The following SLX4IP variants were observed in gnomAD, a reference collection of about 807,000 sequenced individuals.
The protein encoded by SLX4IP is SLX4 interacting protein.
In SLX4IP, 34 loss-of-function variants were observed where a neutral mutation model predicts 32.9. That is an observed-to-expected ratio of 1.03 (90% confidence interval 0.79 to 1.38). The LOEUF is 1.38. SLX4IP is among the 40% of genes most tolerant of loss of function. SLX4IP has a pLI of 0.00. For synonymous variants in SLX4IP, 172 were observed against 171.7 expected (o/e 1.00, Z -0.01); for missense variants, 444 against 479.0 (o/e 0.93, Z 0.68).
intron 2 of SLX4IP, among the ~76,000 whole-genome samples, chr20:10,498,105 A>G (rs922999209): frequency 3.3e-5 from 5 of 150,506 alleles, no homozygotes; most frequent in African/African-American, 9.8e-5. Context: ...TTAGTGGTAC[A>G]TAGCAATATT....
At chr20:10,588,659 G>A (rs1034642297) in intron 4 of SLX4IP, among the ~76,000 whole-genome samples, 15 of 152,188 alleles carry the variant, frequency 9.9e-5, no homozygotes, top group African/African-American at 3.6e-4. Flanking sequence ...GCCAGACATA[G>A]ACAAATACTG....
Position 10,540,077 on chromosome 20 carries a change from C to A in SLX4IP, c.28-16154C>A, listed in dbSNP as rs6040016. On this transcript the variant is annotated intron_variant, in intron 2 of 7. Transcript: ENST00000334534. ...TCTTTTTGTTTTCTTTCTTTTCTTT[C>A]TTTTCTCTCCTTCCTTCCTTTCCTT... 9.4e-4 allele frequency among the ~76,000 whole-genome samples: 135 copies of A among 143,490 alleles called. 1 individual carries two copies. Among genetic ancestry groups the A allele is most frequent in the African/African-American group, 3.3e-3 (131 of 39,726 alleles). The allele number at this position is 143,490 out of a possible 152,430, so 94.1% of individuals were successfully genotyped here. A position where few individuals can be genotyped will look rare whatever the true frequency, so the allele number is the denominator to read the frequency against.
chr20:10,515,038 A>G (rs2065837442), intron 2 of SLX4IP, among the ~76,000 whole-genome samples: 1 of 139,514 alleles, frequency 7.2e-6, no homozygotes, highest in African/African-American at 2.6e-5. Context: ...TTGAAGGTCG[A>G]TGCGTCTTTT....
intron 2 of SLX4IP, among the ~76,000 whole-genome samples, chr20:10,498,234 G>T (rs1277335788): frequency 1.3e-5 from 2 of 151,570 alleles, no homozygotes; most frequent in Non-Finnish European, 2.9e-5. Flanking sequence ...GGGCAGCTCT[G>T]TTCAGTTCCT....
chr20:10,588,117 A>G lies in SLX4IP; in HGVS notation c.239-10558A>G, dbSNP rs376898004. 3.9e-5 allele frequency among the ~76,000 whole-genome samples: 6 copies of G among 152,112 alleles called. No individual in the cohort carries two copies. In the East Asian group the frequency reaches 5.8e-4, roughly 15 times the overall value. On this transcript the variant is annotated intron_variant, in intron 4 of 7. Transcript: ENST00000334534. The stretch of plus-strand genomic sequence containing the variant: ...AATATCCAAAATATATAAGGAACTC[A>G]TACAACTCAATAGCAAAGAAAAAAA...
intron 2 of SLX4IP, among the ~76,000 whole-genome samples, chr20:10,490,354 G>C (rs2065612381): frequency 6.6e-6 from 1 of 152,094 alleles, no homozygotes; most frequent in Admixed American, 6.6e-5. Context: ...TGTCTCCTCA[G>C]TGGCTTAGAG....
Position 10,565,301 on chromosome 20 carries a change from G to C in SLX4IP, c.238+4481G>C, listed in dbSNP as rs140316319. ...CTGGCTCTTAAGCAGAGAAGAAGTT[G>C]ATTAAAGATATTAGATAGCTCATAG... On this transcript the variant is annotated intron_variant, in intron 4 of 7. Transcript: ENST00000334534. Among the ~76,000 whole-genome samples, 305 of 152,286 alleles carry C rather than the reference G, an allele frequency of 2.0e-3. 1 individual carries two copies. The highest frequency in any genetic ancestry group is 0.014 in the Middle Eastern group (4 of 294).
chr20:10,446,805 T>C (rs948025927), intron 1 of SLX4IP, among the ~76,000 whole-genome samples: 10 of 152,378 alleles, frequency 6.6e-5, no homozygotes, highest in East Asian at 3.9e-4. Flanking sequence ...CATTTTCTGA[T>C]TGGACTGTTG....
intron 2 of SLX4IP, among the ~76,000 whole-genome samples, chr20:10,462,462 C>CAGA (rs1214980667): frequency 1.3e-5 from 2 of 152,194 alleles, no homozygotes; most frequent in Non-Finnish European, 2.9e-5. Context: ...AATCAAGAAT[C>CAGA]AGAACACCCT....
intron 4 of SLX4IP, among the ~76,000 whole-genome samples, chr20:10,581,722 C>T (rs2066588146): frequency 6.6e-6 from 1 of 152,056 alleles, no homozygotes; most frequent in South Asian, 2.1e-4. Flanking sequence ...TCAAGACCAG[C>T]CTGGGCAACA....
chr20:10,450,465 A>AC (rs2065232357), intron 1 of SLX4IP, among the ~76,000 whole-genome samples: 1 of 152,220 alleles, frequency 6.6e-6, no homozygotes, highest in African/African-American at 2.4e-5. Context: ...TTTCCCAGGA[A>AC]CTTACTTTTT....
At chr20:10,619,999 G>A (rs774021567) in intron 6 of SLX4IP, among the ~76,000 whole-genome samples, 60 of 152,208 alleles carry the variant, frequency 3.9e-4, no homozygotes, top group Non-Finnish European at 5.9e-4. Context: ...CACAATTGAA[G>A]AGTGTGAAGA....
chr20:10,457,350 G>A (rs1027622273), intron 1 of SLX4IP, among the ~76,000 whole-genome samples: 1 of 150,982 alleles, frequency 6.6e-6, no homozygotes, highest in Non-Finnish European at 1.5e-5. Context: ...TTAGCACTTG[G>A]TTTTTCCTAA....
Position 10,458,131 on chromosome 20 carries a change from AAG to A in SLX4IP, c.-29-43_-29-42del, listed in dbSNP as rs1160818159. On this transcript the variant is annotated intron_variant, in intron 1 of 7. Coordinates refer to ENST00000334534, the MANE Select transcript of SLX4IP (RefSeq NM_001009608.3). ...TTTTCCTGTATAATATCCAAATAAA[AAG>A]AAATTTTAATATACCTAATTGTAAC... 10 of 1,295,250 alleles carry A rather than the reference AAG, an allele frequency of 7.7e-6. No individual in the cohort carries two copies. The African/African-American group carries it at 1.5e-4, about 20-fold the overall frequency. The allele number at this position is 1,295,250 out of a possible 1,614,324, so 80.2% of individuals were successfully genotyped here.
chr20:10,604,613 C>T (rs759416598), intron 6 of SLX4IP, among the ~76,000 whole-genome samples: 7 of 152,228 alleles, frequency 4.6e-5, no homozygotes, highest in African/African-American at 7.2e-5. Context: ...CGGAGCAGAG[C>T]GAATGCAGCC....
chr20:10,514,202 C>A (rs1225149128), intron 2 of SLX4IP, among the ~76,000 whole-genome samples: 1 of 152,106 alleles, frequency 6.6e-6, no homozygotes, highest in Admixed American at 6.6e-5. Context: ...AGTGGGAAAC[C>A]GGTGAATATG....
intron 1 of SLX4IP, among the ~76,000 whole-genome samples, chr20:10,457,782 T>C (rs1347455246): frequency 6.6e-6 from 1 of 152,120 alleles, no homozygotes; most frequent in African/African-American, 2.4e-5. Context: ...GTTTAAATTA[T>C]TCTGTACACA....
At chr20:10,597,866 C>T (rs906121646) in intron 4 of SLX4IP, among the ~76,000 whole-genome samples, 1 of 152,178 alleles carries the variant, frequency 6.6e-6, no homozygotes, top group Non-Finnish European at 1.5e-5. Flanking sequence ...TGCTCTGTCT[C>T]TTTCACTTAG....
intron 1 of SLX4IP, among the ~76,000 whole-genome samples, chr20:10,452,734 T>C (rs2150683): frequency 0.49 from 71,847 of 147,148 alleles, 19,080 homozygotes; most frequent in Non-Finnish European, 0.6. Context: ...ACCTATAATC[T>C]GAGCTACTTA....
Sources: gnomAD v4.1 joint callset for allele counts (sites outside exome capture counted in the v4.1 genomes callset) on GRCh38, gnomAD v4.1.1 for gene constraint, MANE v1.5 for transcripts, NCBI Gene and HGNC (gene_info 2026-07-23, HGNC 2026-07-21) for gene names.